NLRP14: variants seen among roughly 807,000 people sequenced by gnomAD.
NLRP14 encodes the protein NLR family pyrin domain containing 14.
A neutral mutation model predicts 94.7 loss-of-function variants in NLRP14; 105 were observed. The ratio of observed to expected loss-of-function variants is 1.11; its 90% CI spans 0.95 to 1.30. The LOEUF (loss-of-function observed/expected upper bound fraction) is 1.30, where lower values mean the gene tolerates loss of function less well. NLRP14 is among the 50% of genes most tolerant of loss of function. The probability of loss-of-function intolerance (pLI) is 0.00; values close to 1 mark genes in which losing one functional copy is unlikely to be tolerated. For missense variants in NLRP14, 1,362 were observed against 1,254.1 expected, an observed-to-expected ratio of 1.09 and a Z score of -1.30; for synonymous variants, 508 against 459.9, an observed-to-expected ratio of 1.10 and a Z score of -1.34.
chr11:7,090,620 CA>C, the NLRP14 span: 4 of 402,414 alleles, frequency 9.9e-6, no homozygotes, highest in African/African-American at 8.3e-5. Context: ...ATAAATGAGG[CA>C]AACAGTTCTA....
At chr11:7,045,259 T>G (rs565727287) in intron 4 of NLRP14, among the ~76,000 whole-genome samples, 2 of 152,290 alleles carry the variant, frequency 1.3e-5, no homozygotes, top group South Asian at 2.1e-4. Flanking sequence ...GACTTCAGAG[T>G]TCTATTTAAA....
chr11:7,024,165 G>T (rs1851983225), intron 1 of NLRP14, among the ~76,000 whole-genome samples: 1 of 152,138 alleles, frequency 6.6e-6, no homozygotes. Context: ...CTAATCCACA[G>T]TGTATAATTT....
chr11:7,077,742 G>T, the NLRP14 span, among the ~76,000 whole-genome samples: 1 of 152,216 alleles, frequency 6.6e-6, no homozygotes, highest in Non-Finnish European at 1.5e-5. Flanking sequence ...AAAACCATCG[G>T]ATCTCATGAG....
At position 7,059,374 on chromosome 11, in the gene NLRP14, T is replaced by A. The variant is rs578057264; in HGVS notation, c.2634-520T>A. ...TTCTTTTAAAAAAAATACACATATG[T>A]CATCTCATACTCTTCATGGTTTAAT... On this transcript the variant is annotated intron_variant, in intron 8 of 11. Transcript: ENST00000299481. Among the ~76,000 whole-genome samples, 39 of 151,986 alleles carry A rather than the reference T, an allele frequency of 2.6e-4. 1 individual carries two copies. The highest frequency in any genetic ancestry group is 8.7e-4 in the African/African-American group (36 of 41,518).
At chr11:7,038,543 G>A (rs1022961609) in intron 1 of NLRP14, 23 bp from the exon 2 acceptor site, 1 of 1,573,418 alleles carries the variant, frequency 6.4e-7, no homozygotes, top group Non-Finnish European at 8.7e-7. Flanking sequence ...ATGTGCTTTT[G>A]GTTATTTTTT....
the NLRP14 span, among the ~76,000 whole-genome samples, chr11:7,085,222 G>A: frequency 5.3e-5 from 8 of 152,116 alleles, no homozygotes; most frequent in Admixed American, 4.6e-4. Context: ...CTGTCTGGTA[G>A]TGTTAGGTTT....
intron 6 of NLRP14, among the ~76,000 whole-genome samples, chr11:7,057,393 A>G (rs1852530952): frequency 6.6e-6 from 1 of 152,006 alleles, no homozygotes; most frequent in Non-Finnish European, 1.5e-5. Context: ...TTCCTCCCAG[A>G]CTAAAAAATA....
chr11:7,042,635 C>A lies in NLRP14; in HGVS notation c.609C>A (p.Gly203=), dbSNP rs199475881. Residue 203 remains glycine (G), a synonymous_variant, in exon 4 of 12, where the codon GGC becomes GGA. Transcript: ENST00000299481. The part of the protein sequence containing the change: ...VRKAMLDWAE[G]SLYQQRFKYV... ...AGGCAATGTTAGATTGGGCAGAGGG[C>A]AGTCTCTACCAGCAGAGGTTTAAGT... The A allele has an allele frequency of 1.9e-6, 3 of 1,614,078 alleles. No individual in the cohort carries two copies. The highest frequency in any genetic ancestry group is 2.7e-5 in the African/African-American group (2 of 75,060).
intron 1 of NLRP14, among the ~76,000 whole-genome samples, chr11:7,032,524 A>G (rs1852112720): frequency 6.6e-6 from 1 of 152,190 alleles, no homozygotes; most frequent in African/African-American, 2.4e-5. Context: ...GTAGACATGC[A>G]GACATGCAGT....
Position 7,034,169 on chromosome 11 carries a change from C to T in NLRP14, c.-21-4397C>T, listed in dbSNP as rs187202613. 2.1e-4 allele frequency among the ~76,000 whole-genome samples: 32 copies of T among 152,306 alleles called. No individual in the cohort carries two copies. In the East Asian group the frequency reaches 5.8e-3, roughly 28 times the overall value. Reference sequence around the variant, plus strand: ...CCTACACACAGTATTTGGAAATCTTCTCTAAGAGAGATTTGTCTCTTTTCT... The same window carrying T: ...CCTACACACAGTATTTGGAAATCTTTTCTAAGAGAGATTTGTCTCTTTTCT... On this transcript the variant is annotated intron_variant, in intron 1 of 11. Transcript: ENST00000299481.
At chr11:7,037,901 T>C (rs1852183743) in intron 1 of NLRP14, among the ~76,000 whole-genome samples, 1 of 152,196 alleles carries the variant, frequency 6.6e-6, no homozygotes, top group Non-Finnish European at 1.5e-5. Context: ...TGATGCACTT[T>C]AACACTGAAC....
chr11:7,087,051 TG>T, the NLRP14 span, among the ~76,000 whole-genome samples: 2 of 152,002 alleles, frequency 1.3e-5, no homozygotes, highest in Non-Finnish European at 2.9e-5. Flanking sequence ...AAGAGGGAAC[TG>T]GGGACTAAAC....
At position 7,043,532 on chromosome 11, in the gene NLRP14, C is replaced by T. The variant is rs770461548; in HGVS notation, c.1506C>T (p.Asn502=). Residue 502 remains asparagine, a synonymous_variant, in exon 4 of 12, where the codon AAC becomes AAT. Transcript: ENST00000299481. The part of the protein sequence containing the change: ...YMLKGSWEAG[N]PSCQPFEDLK... ...TGAAAGGCAGTTGGGAAGCTGGGAA[C>T]CCTTCCTGCCAGCCTTTTGAAGATT... is the stretch of plus-strand genomic sequence containing the variant. 1 of 1,614,116 alleles carries T rather than the reference C, an allele frequency of 6.2e-7. No individual in the cohort carries two copies. Among genetic ancestry groups the T allele is most frequent in the South Asian group, 1.1e-5 (1 of 91,080 alleles).
In NLRP14 at chr11:7,043,946, G is replaced by A. The variant is rs779411001; in HGVS notation, c.1920G>A (p.Glu640=). The change falls in exon 4 of 12, where the codon GAG becomes GAA. Residue 640 remains glutamate (E), a synonymous_variant. Transcript: ENST00000299481. ...GGCTGTCTGTAACTGTGGTATTTGA[G>A]AAGAAGATATTAAAAACAAGCCTCC... ...TIRLSVTVVF[E]KKILKTSLPT... The A allele has an allele frequency of 6.2e-6, 10 of 1,613,992 alleles. 1 individual carries two copies. The East Asian group carries it at 2.0e-4, about 32-fold the overall frequency.
chr11:7,086,080 C>G, the NLRP14 span, among the ~76,000 whole-genome samples: 2 of 152,150 alleles, frequency 1.3e-5, no homozygotes, highest in Non-Finnish European at 2.9e-5. Flanking sequence ...TTGTTGAATC[C>G]TATGGTAATT....
the NLRP14 span, among the ~76,000 whole-genome samples, chr11:7,088,063 T>A: frequency 2.6e-5 from 4 of 152,202 alleles, no homozygotes. Context: ...TGTTTGGCAA[T>A]TCTATCAAAT....
chr11:7,074,474 C>G (rs1306913233), downstream of NLRP14, among the ~76,000 whole-genome samples: 1 of 152,216 alleles, frequency 6.6e-6, no homozygotes, highest in Non-Finnish European at 1.5e-5. Context: ...TCGTCTCATC[C>G]TTCACAGACA....
the NLRP14 span, chr11:7,089,072 C>A: frequency 1.3e-6 from 2 of 1,584,130 alleles, no homozygotes. Context: ...GCGACTGGCG[C>A]CGCCTCACCG....
downstream of NLRP14, among the ~76,000 whole-genome samples, chr11:7,074,306 T>C (rs1389339465): frequency 2.6e-5 from 4 of 152,278 alleles, no homozygotes; most frequent in Admixed American, 2.6e-4. Flanking sequence ...TTGGCATAGG[T>C]GATACATAGA....
Sources: gnomAD v4.1 joint callset for allele counts (sites outside exome capture counted in the v4.1 genomes callset) on GRCh38, gnomAD v4.1.1 for gene constraint, MANE v1.5 for transcripts, NCBI Gene and HGNC (gene_info 2026-07-23, HGNC 2026-07-21) for gene names.